Variants in ZNF157 observed in about 807,000 individuals in gnomAD.
ZNF157 encodes zinc finger protein 157.
A neutral mutation model predicts 9.4 loss-of-function variants in ZNF157; 8 were observed. The observed-to-expected ratio is 0.85, with a 90% CI of 0.50 to 1.53. The LOEUF (loss-of-function observed/expected upper bound fraction) is 1.53. ZNF157 is among the 40% of genes most tolerant of loss of function. The pLI, the probability that ZNF157 is intolerant of heterozygous loss-of-function variation, is 0.00. For missense variants in ZNF157, 316 were observed against 385.2 expected, an observed-to-expected ratio of 0.82 and a Z score of 1.50; for synonymous variants, 120 against 130.8, an observed-to-expected ratio of 0.92 and a Z score of 0.56.
chrX:47,410,165 A>G (rs1389129848), intron 1 of ZNF157, 111 bp from the exon 2 acceptor site: 5 of 1,049,838 alleles, frequency 4.8e-6, no homozygotes, highest in Non-Finnish European at 6.6e-6. Flanking sequence ...AAAATCAGGT[A>G]TCCAGTGTAG....
chrX:47,384,115 A>T (rs866279849), intron 1 of ZNF157, among the ~76,000 whole-genome samples: 7 of 95,711 alleles, frequency 7.3e-5, no homozygotes, highest in Non-Finnish European at 1.0e-4. Context: ...ACTGAAAATT[A>T]AAAAAAAAAA....
intron 1 of ZNF157, among the ~76,000 whole-genome samples, chrX:47,388,444 T>C (rs751118695): frequency 1.8e-5 from 2 of 109,140 alleles, no homozygotes; most frequent in African/African-American, 3.3e-5. Context: ...CCCGAATAGC[T>C]GGGACCACAG....
At chrX:47,405,137 C>T (rs1321945019) in intron 1 of ZNF157, among the ~76,000 whole-genome samples, 1 of 111,212 alleles carries the variant, frequency 9.0e-6, no homozygotes, top group Non-Finnish European at 1.9e-5. Flanking sequence ...TCTGTAATCC[C>T]AGCACTTTGG....
chrX:47,405,639 G>A (rs1006807489), intron 1 of ZNF157, among the ~76,000 whole-genome samples: 1 of 111,023 alleles, frequency 9.0e-6, no homozygotes, highest in African/African-American at 3.3e-5. Context: ...GCTGGGCTTT[G>A]CTTTATGAGG....
At chrX:47,398,331 C>T (rs920807416) in intron 1 of ZNF157, among the ~76,000 whole-genome samples, 4 of 111,326 alleles carry the variant, frequency 3.6e-5, no homozygotes, top group African/African-American at 1.3e-4. Context: ...CATGGTGAGA[C>T]TTGTGAATTC....
In ZNF157 at chrX:47,413,021, C is replaced by T. The variant is rs2055970907; in HGVS notation, c.948C>T (p.Ser316=). ...ECGKNFRAKK[S]LNQHQRIHTG... Reference sequence around the variant, plus strand: ...GGAAAAACTTCCGTGCAAAGAAATCCCTAAATCAGCATCAAAGAATTCACA... The same window carrying T: ...GGAAAAACTTCCGTGCAAAGAAATCTCTAAATCAGCATCAAAGAATTCACA... Residue 316 remains serine, a synonymous_variant, in exon 4 of 4, where the codon TCC becomes TCT. Transcript: ENST00000377073. The T allele has an allele frequency of 8.3e-7, 1 of 1,208,605 alleles. No individual in the cohort carries two copies. The highest frequency in any genetic ancestry group is 1.7e-5 in the African/African-American group (1 of 57,210).
At chrX:47,386,739 C>A (rs1289074225) in intron 1 of ZNF157, among the ~76,000 whole-genome samples, 2 of 111,551 alleles carry the variant, frequency 1.8e-5, no homozygotes, top group Non-Finnish European at 3.8e-5. Context: ...GGATTATAGG[C>A]ATGAGCCACG....
At chrX:47,406,360 T>C (rs1485728680) in intron 1 of ZNF157, among the ~76,000 whole-genome samples, 3 of 109,219 alleles carry the variant, frequency 2.7e-5, no homozygotes, top group Non-Finnish European at 3.8e-5. Flanking sequence ...CTGTATTTCT[T>C]TCTCTCTCTC....
chrX:47,402,412 T>G (rs2055932852), intron 1 of ZNF157, among the ~76,000 whole-genome samples: 1 of 111,913 alleles, frequency 8.9e-6, no homozygotes, highest in Admixed American at 9.6e-5. Flanking sequence ...TTAATCTGTC[T>G]CATTCTGTGA....
intron 1 of ZNF157, among the ~76,000 whole-genome samples, chrX:47,387,886 CAA>C (rs781763726): frequency 1.2e-3 from 40 of 34,529 alleles, no homozygotes; most frequent in African/African-American, 4.6e-3. Context: ...GACTCTGTCT[CAA>C]AAAAAAAAAA....
chrX:47,411,461 C>CT (rs1304495886), intron 3 of ZNF157, among the ~76,000 whole-genome samples: 1 of 110,770 alleles, frequency 9.0e-6, no homozygotes, highest in African/African-American at 3.3e-5. Context: ...TTTAAACGAC[C>CT]TTTCCAGGGC....
At chrX:47,407,633 T>C (rs1292602741) in intron 1 of ZNF157, among the ~76,000 whole-genome samples, 5 of 112,156 alleles carry the variant, frequency 4.5e-5, no homozygotes, top group African/African-American at 1.6e-4. Flanking sequence ...CGTGGCATTC[T>C]CTTACTCTCA....
chrX:47,391,083 G>C (rs2055895859), intron 1 of ZNF157: 1 of 111,418 alleles, frequency 9.0e-6, no homozygotes, highest in Admixed American at 9.7e-5. Context: ...GTTCTTGGTA[G>C]GTTTTTGATT....
rs2055976863 is a variant in ZNF157 at position 47,414,442 on chromosome X, C to T, written c.*848C>T. On this transcript the variant is annotated 3_prime_UTR_variant, in exon 4 of 4. Transcript: ENST00000377073. ...TTTTTTTGTTATAGCATGAAGTGTG[C>T]AATACATACTACTATATTGTCTTTA... is the stretch of plus-strand genomic sequence containing the variant. 9.0e-6 allele frequency: 1 copy of T among 111,730 alleles called. No individual in the cohort carries two copies. The highest frequency in any genetic ancestry group is 9.6e-5 in the Admixed American group (1 of 10,378). The allele number at this position is 111,730 out of a possible 1,213,427, so 9.2% of individuals were successfully genotyped here.
rs1326908452 is a variant in ZNF157 at position 47,413,236 on chromosome X, G to A, written c.1163G>A (p.Cys388Tyr). Reference protein sequence around the residue: ...RIHTGEKPYECNECGNAFYVK... With the variant: ...RIHTGEKPYEYNECGNAFYVK... ...CACACAGGAGAGAAACCTTACGAAT[G>A]TAATGAGTGTGGTAATGCTTTCTAT... The change falls in exon 4 of 4, where the codon TGT becomes TAT. Residue 388 changes from cysteine (C) to tyrosine (Y), a missense_variant. This residue lies in a region of ZNF157 where 167 missense variants were observed against 183.6 expected (regional missense o/e 0.91). Coordinates refer to ENST00000377073, the MANE Select transcript of ZNF157 (RefSeq NM_003446.4). The A allele has an allele frequency of 1.7e-6, 2 of 1,211,793 alleles. No homozygotes were observed. Among genetic ancestry groups the A allele is most frequent in the Non-Finnish European group, 1.1e-6 (1 of 895,493 alleles).
In ZNF157 at chrX:47,412,387, G is replaced by A; in HGVS notation, c.314G>A (p.Cys105Tyr). ...HGYSGSLSLL[C>Y]GNGSVGDNAL... ...TTTAAAGGATCTCTCTCACTGCTGT[G>A]TGGCAATGGTTCTGTTGGGGATAAT... The change falls in exon 4 of 4, where the codon TGT becomes TAT. Residue 105 changes from cysteine (C) to tyrosine (Y), a missense_variant. Coordinates refer to ENST00000377073, the MANE Select transcript of ZNF157 (RefSeq NM_003446.4). The A allele has an allele frequency of 5.0e-6, 6 of 1,199,408 alleles. No individual in the cohort carries two copies. Among genetic ancestry groups the A allele is most frequent in the African/African-American group, 1.7e-5 (1 of 57,584 alleles).
At chrX:47,371,328 C>G (rs1464793122) in intron 1 of ZNF157, among the ~76,000 whole-genome samples, 1 of 107,023 alleles carries the variant, frequency 9.3e-6, no homozygotes, top group Non-Finnish European at 1.9e-5. Context: ...AGAGTGAGAC[C>G]CTGTCTCAAA....
chrX:47,403,857 C>T (rs2055938222), intron 1 of ZNF157, among the ~76,000 whole-genome samples: 3 of 111,462 alleles, frequency 2.7e-5, no homozygotes, highest in Non-Finnish European at 3.8e-5. Flanking sequence ...AAATAGAAAT[C>T]CCCAGCAAAG....
chrX:47,410,788 C>T lies in ZNF157; in HGVS notation c.295+13C>T. Reference sequence around the variant, plus strand: ...CATGGTTACTCAGGTAAGTACTGGGCAAGAACTGGACATATGGAAAATAGG... The same window carrying T: ...CATGGTTACTCAGGTAAGTACTGGGTAAGAACTGGACATATGGAAAATAGG... On this transcript the variant is annotated intron_variant, in intron 3 of 3. Transcript: ENST00000377073. 1 of 1,168,371 alleles carries T rather than the reference C, an allele frequency of 8.6e-7. No individual in the cohort carries two copies. Among genetic ancestry groups the T allele is most frequent in the Non-Finnish European group, 1.2e-6 (1 of 862,017 alleles).
Sources: gnomAD v4.1 joint callset for allele counts (sites outside exome capture counted in the v4.1 genomes callset) on GRCh38, gnomAD v4.1.1 for gene constraint, gnomAD v4.1.1 regional missense constraint, MANE v1.5 for transcripts, NCBI Gene and HGNC (gene_info 2026-07-23, HGNC 2026-07-21) for gene names.